Variants in STAT4 observed in about 807,000 individuals in gnomAD.
The protein encoded by STAT4 is signal transducer and activator of transcription 4.
Under a neutral mutation model 110.5 loss-of-function variants are expected in STAT4, and 42 were observed. The ratio of observed to expected loss-of-function variants is 0.38; its 90% CI spans 0.30 to 0.49. STAT4 has a LOEUF of 0.49. STAT4 is among the 20% of genes least tolerant of loss of function. The probability of loss-of-function intolerance (pLI) is 0.95; values close to 1 mark genes in which losing one functional copy is unlikely to be tolerated. For synonymous variants in STAT4, 284 were observed against 302.2 expected (o/e 0.94, Z 0.63); for missense variants, 632 against 887.9 (o/e 0.71, Z 3.66).
chr2:191,031,191 G>A lies in STAT4; in HGVS notation c.2112-111C>T, dbSNP rs1421547220. 1 of 1,132,816 alleles carries A rather than the reference G, an allele frequency of 8.8e-7. No individual in the cohort carries two copies. The highest frequency in any genetic ancestry group is 1.3e-6 in the Non-Finnish European group (1 of 769,362). 70.2% of individuals were successfully genotyped at this position (1,132,816 alleles called of 1,614,324 possible). A position where few individuals can be genotyped will look rare whatever the true frequency, so the allele number is the denominator to read the frequency against. Reference sequence around the variant, plus strand: ...TAGGGCTTCATCTATTTGTGACATTGAGTTATCTAATTCATCATTTCATAT... The same window carrying A: ...TAGGGCTTCATCTATTTGTGACATTAAGTTATCTAATTCATCATTTCATAT... On this transcript the variant is annotated intron_variant, in intron 22 of 23. Coordinates refer to ENST00000392320, the MANE Select transcript of STAT4 (RefSeq NM_003151.4). The surrounding 1 kb of genome is among the most constrained non-coding windows in gnomAD (Gnocchi z 4.8).
At chr2:191,070,017 C>T (rs1461559726) in intron 5 of STAT4, among the ~76,000 whole-genome samples, 1 of 152,144 alleles carries the variant, frequency 6.6e-6, no homozygotes, top group African/African-American at 2.4e-5. Context: ...TCAGCATCTA[C>T]CTGCTCATTT....
chr2:191,063,712 G>A (rs570694775), intron 8 of STAT4, among the ~76,000 whole-genome samples: 3 of 152,298 alleles, frequency 2.0e-5, no homozygotes, highest in South Asian at 4.1e-4. Flanking sequence ...TTTGGGGTAT[G>A]AGCTCCATTA....
In STAT4 at chr2:191,138,769, C is replaced by T. The variant is rs1026472981; in HGVS notation, c.273+7844G>A. 1.3e-5 allele frequency among the ~76,000 whole-genome samples: 2 copies of T among 152,156 alleles called. No individual in the cohort carries two copies. Among genetic ancestry groups the T allele is most frequent in the Admixed American group, 6.5e-5 (1 of 15,272 alleles). ...CTAAATCATTCCATGAAGCCAGTATCACCCTAATACCAAAACCAGGAAAGG... is the reference window on the plus strand; with the variant it reads ...CTAAATCATTCCATGAAGCCAGTATTACCCTAATACCAAAACCAGGAAAGG... On this transcript the variant is annotated intron_variant, in intron 3 of 23. Coordinates refer to ENST00000392320, the MANE Select transcript of STAT4 (RefSeq NM_003151.4). The surrounding 1 kb of genome is among the most constrained non-coding windows in gnomAD (Gnocchi z 4.3).
At chr2:191,075,034 C>A (rs1697272537) in intron 4 of STAT4, among the ~76,000 whole-genome samples, 1 of 152,008 alleles carries the variant, frequency 6.6e-6, no homozygotes, top group African/African-American at 2.4e-5. Flanking sequence ...GTGGCAGGTG[C>A]CTGTAATCCC....
At position 191,107,987 on chromosome 2, in the gene STAT4, A is replaced by C. The variant is rs1053903284; in HGVS notation, c.274-31662T>G. Among the ~76,000 whole-genome samples the C allele has an allele frequency of 1.3e-5, 2 of 152,130 alleles. No homozygotes were observed. The highest frequency in any genetic ancestry group is 4.8e-5 in the African/African-American group (2 of 41,422). ...AATCCTTGAAGCACACCAAGAATGA[A>C]AGAAAGACATTATCCATTGTTGGCC... On this transcript the variant is annotated intron_variant, in intron 3 of 23. Transcript: ENST00000392320. This position sits in a 1 kb window ranked among gnomAD's most constrained non-coding sequence, Gnocchi z 4.2.
Position 191,061,672 on chromosome 2 carries a change from C to T in STAT4, c.1034+57G>A. On this transcript the variant is annotated intron_variant, in intron 10 of 23. Transcript: ENST00000392320. This position sits in a 1 kb window ranked among gnomAD's most constrained non-coding sequence, Gnocchi z 6.2. ...CACAATGAGAGAAATTGGCCTTGATCATCCAGAGACTATAGCTCCACAAAC... is the reference window on the plus strand; with the variant it reads ...CACAATGAGAGAAATTGGCCTTGATTATCCAGAGACTATAGCTCCACAAAC... 6.6e-7 allele frequency: 1 copy of T among 1,517,468 alleles called. No individual in the cohort carries two copies. 94.0% of individuals were successfully genotyped at this position (1,517,468 alleles called of 1,614,324 possible).
intron 3 of STAT4, among the ~76,000 whole-genome samples, chr2:191,097,448 G>C (rs1261752585): frequency 1.3e-5 from 2 of 151,930 alleles, no homozygotes; most frequent in Admixed American, 6.6e-5. Context: ...CAGAACAGAG[G>C]CCTCAGAAAT....
intron 3 of STAT4, among the ~76,000 whole-genome samples, chr2:191,137,532 A>G (rs369030091): frequency 3.9e-5 from 6 of 152,150 alleles, no homozygotes; most frequent in East Asian, 3.8e-4. Context: ...AAAAATTTGT[A>G]TGGTACCAAA....
At chr2:191,085,876 C>T (rs1243720581) in intron 3 of STAT4, among the ~76,000 whole-genome samples, 1 of 152,076 alleles carries the variant, frequency 6.6e-6, no homozygotes, top group East Asian at 1.9e-4. Flanking sequence ...TTTTTTGTTT[C>T]AAACTTTACT....
intron 14 of STAT4, among the ~76,000 whole-genome samples, chr2:191,052,186 G>A (rs965549226): frequency 6.6e-6 from 1 of 152,078 alleles, no homozygotes; most frequent in African/African-American, 2.4e-5. Context: ...CCTAACCTTT[G>A]TGTGATCATC....
In STAT4 at chr2:191,107,231, T is replaced by C. The variant is rs1698307219; in HGVS notation, c.274-30906A>G. ...GATAGTAGTCATTTTATCCCCAGGG[T>C]CAAACCTAGCATGCTGACCTCAATA... On this transcript the variant is annotated intron_variant, in intron 3 of 23. Transcript: ENST00000392320. The surrounding 1 kb of genome is among the most constrained non-coding windows in gnomAD (Gnocchi z 4.2). 6.6e-6 allele frequency among the ~76,000 whole-genome samples: 1 copy of C among 152,174 alleles called. No homozygotes were observed. Among genetic ancestry groups the C allele is most frequent in the South Asian group, 2.1e-4 (1 of 4,830 alleles).
Position 191,051,049 on chromosome 2 carries a change from T to C in STAT4, c.1251+3441A>G, listed in dbSNP as rs1441401672. Among the ~76,000 whole-genome samples, 1 of 152,114 alleles carries C rather than the reference T, an allele frequency of 6.6e-6. No individual in the cohort carries two copies. Among genetic ancestry groups the C allele is most frequent in the African/African-American group, 2.4e-5 (1 of 41,418 alleles). ...AATTGTGTGTGTGCGTGTGGGTGTGTGTGTGATGGAGGTGAAGAGCATTGG... is the reference window on the plus strand; with the variant it reads ...AATTGTGTGTGTGCGTGTGGGTGTGCGTGTGATGGAGGTGAAGAGCATTGG... On this transcript the variant is annotated intron_variant, in intron 14 of 23. Coordinates refer to ENST00000392320, the MANE Select transcript of STAT4 (RefSeq NM_003151.4). This position sits in a 1 kb window ranked among gnomAD's most constrained non-coding sequence, Gnocchi z 5.6.
Position 191,083,480 on chromosome 2 carries a change from C to T in STAT4, c.274-7155G>A, listed in dbSNP as rs1297182106. 6.6e-6 allele frequency among the ~76,000 whole-genome samples: 1 copy of T among 152,248 alleles called. No homozygotes were observed. Among genetic ancestry groups the T allele is most frequent in the Non-Finnish European group, 1.5e-5 (1 of 68,046 alleles). ...AGATGTGAACAGGACAGCCCCACCT[C>T]TGCTGTACCAGCTCTTCTCCTAACC... On this transcript the variant is annotated intron_variant, in intron 3 of 23. Coordinates refer to ENST00000392320, the MANE Select transcript of STAT4 (RefSeq NM_003151.4). The surrounding 1 kb of genome is among the most constrained non-coding windows in gnomAD (Gnocchi z 4.6).
At chr2:191,100,319 T>C (rs1698118442) in intron 3 of STAT4, among the ~76,000 whole-genome samples, 1 of 152,130 alleles carries the variant, frequency 6.6e-6, no homozygotes, top group East Asian at 1.9e-4. Context: ...GGATTGCTAA[T>C]AGCTCATAAA....
At position 191,150,121 on chromosome 2, in the gene STAT4, T is replaced by C. The variant is rs1559089845; in HGVS notation, c.-2+826A>G. Reference sequence around the variant, plus strand: ...TATATTCCATAAATATTTACAATTGTGTGTCAAATGAAAATAAAAGGAAAA... The same window carrying C: ...TATATTCCATAAATATTTACAATTGCGTGTCAAATGAAAATAAAAGGAAAA... On this transcript the variant is annotated intron_variant, in intron 1 of 23. Coordinates refer to ENST00000392320, the MANE Select transcript of STAT4 (RefSeq NM_003151.4). The surrounding 1 kb of genome is among the most constrained non-coding windows in gnomAD (Gnocchi z 6.4). 6.6e-6 allele frequency among the ~76,000 whole-genome samples: 1 copy of C among 152,206 alleles called. No individual in the cohort carries two copies. The highest frequency in any genetic ancestry group is 6.5e-5 in the Admixed American group (1 of 15,272).
At position 191,064,972 on chromosome 2, in the gene STAT4, G is replaced by A; in HGVS notation, c.631-14C>T. The A allele has an allele frequency of 6.3e-7, 1 of 1,578,798 alleles. No homozygotes were observed. The highest frequency in any genetic ancestry group is 8.6e-7 in the Non-Finnish European group (1 of 1,164,236). On this transcript the variant is annotated splice_polypyrimidine_tract_variant and intron_variant, in intron 7 of 23. Coordinates refer to ENST00000392320, the MANE Select transcript of STAT4 (RefSeq NM_003151.4). Reference sequence around the variant, plus strand: ...ACTGAGAGCCTCCTAAAAACAAAGGGGACTACTGAAGAGAGTTTCATAAGA... The same window carrying A: ...ACTGAGAGCCTCCTAAAAACAAAGGAGACTACTGAAGAGAGTTTCATAAGA...
At chr2:191,036,422 T>TCACC in intron 16 of STAT4, 123 bp from the exon 17 acceptor site, 17 of 1,023,714 alleles carry the variant, frequency 1.7e-5, no homozygotes, top group Non-Finnish European at 2.4e-5. Context: ...TGGGTGACTA[T>TCACC]TAGGTGATAG....
In STAT4 at chr2:191,136,016, A is replaced by C. The variant is rs7592471; in HGVS notation, c.273+10597T>G. Among the ~76,000 whole-genome samples the C allele has an allele frequency of 5.5e-3, 704 of 128,252 alleles. 22 individuals carry two copies. Among genetic ancestry groups the C allele is most frequent in the African/African-American group, 0.018 (639 of 35,424 alleles). 84.1% of individuals were successfully genotyped at this position (128,252 alleles called of 152,430 possible). On this transcript the variant is annotated intron_variant, in intron 3 of 23. Coordinates refer to ENST00000392320, the MANE Select transcript of STAT4 (RefSeq NM_003151.4). ...CCAACAGCATCTCAGAAAAAAAAAA[A>C]AAAAAACCAAAAAACAAAAAACCAA... is the stretch of plus-strand genomic sequence containing the variant.
chr2:191,149,864 T>G (rs960893519), intron 1 of STAT4, among the ~76,000 whole-genome samples: 11 of 152,218 alleles, frequency 7.2e-5, no homozygotes, highest in Non-Finnish European at 1.3e-4. Flanking sequence ...CCGCTATGAT[T>G]TGGATGAAAA....
Sources: gnomAD v4.1 joint callset for allele counts (sites outside exome capture counted in the v4.1 genomes callset) on GRCh38, gnomAD v4.1.1 for gene constraint, Gnocchi (gnomAD v3.1) non-coding constraint, MANE v1.5 for transcripts, NCBI Gene and HGNC (gene_info 2026-07-23, HGNC 2026-07-21) for gene names.